Variants in NELL1 observed in about 807,000 individuals in gnomAD.
NELL1 encodes the protein neural EGFL like 1.
A neutral mutation model predicts 107.4 loss-of-function variants in NELL1; 76 were observed. The ratio of observed to expected loss-of-function variants is 0.71; its 90% CI spans 0.59 to 0.86. The LOEUF is 0.86. Ranked by LOEUF, NELL1 falls within the 40% of genes least tolerant of loss-of-function variation. NELL1 has a pLI of 0.00. For synonymous variants in NELL1, 353 were observed against 341.2 expected (o/e 1.03, Z -0.38); for missense variants, 1,024 against 1,005.5 (o/e 1.02, Z -0.25).
chr11:20,975,906 G>T (rs1851611540), intron 12 of NELL1, among the ~76,000 whole-genome samples: 1 of 94,896 alleles, frequency 1.1e-5, no homozygotes, highest in Non-Finnish European at 2.0e-5. Flanking sequence ...ACATATATGT[G>T]TATTATATAA....
chr11:20,812,780 G>A (rs374006082), intron 3 of NELL1, among the ~76,000 whole-genome samples: 19 of 151,644 alleles, frequency 1.3e-4, no homozygotes, highest in South Asian at 6.3e-4. Flanking sequence ...AGGCCGAGGC[G>A]GGCGGATCAC....
intron 3 of NELL1, among the ~76,000 whole-genome samples, chr11:20,841,199 T>C (rs1848616323): frequency 6.6e-6 from 1 of 152,192 alleles, no homozygotes; most frequent in African/African-American, 2.4e-5. Flanking sequence ...TTCCACCATA[T>C]GGTGCCACCA....
chr11:21,005,703 A>G (rs970254396), intron 12 of NELL1, among the ~76,000 whole-genome samples: 1 of 152,166 alleles, frequency 6.6e-6, no homozygotes, highest in Non-Finnish European at 1.5e-5. Flanking sequence ...CATTTTTAAT[A>G]TTGTCTGTGC....
chr11:21,475,912 T>C (rs1430625489), intron 15 of NELL1, among the ~76,000 whole-genome samples: 2 of 152,192 alleles, frequency 1.3e-5, no homozygotes, highest in Non-Finnish European at 2.9e-5. Context: ...TCTTCAACTT[T>C]GAGATTTTAT....
intron 10 of NELL1, among the ~76,000 whole-genome samples, chr11:20,940,560 T>G (rs995600508): frequency 2.6e-5 from 4 of 152,170 alleles, no homozygotes; most frequent in African/African-American, 9.7e-5. Context: ...CTTGGGCTTC[T>G]TTGTACCATG....
intron 3 of NELL1, among the ~76,000 whole-genome samples, chr11:20,804,281 G>A (rs1025604251): frequency 2.0e-5 from 3 of 152,018 alleles, no homozygotes; most frequent in Non-Finnish European, 4.4e-5. Flanking sequence ...TGTCACCCAG[G>A]CTGGAGTGCA....
chr11:21,484,085 T>C (rs1258452648), intron 15 of NELL1, among the ~76,000 whole-genome samples: 6 of 145,170 alleles, frequency 4.1e-5, no homozygotes, highest in Non-Finnish European at 7.5e-5. Flanking sequence ...CCAGCGTTAA[T>C]AGTGGTTGTC....
chr11:21,128,775 A>G (rs886118160), intron 13 of NELL1, among the ~76,000 whole-genome samples: 1 of 152,174 alleles, frequency 6.6e-6, no homozygotes, highest in African/African-American at 2.4e-5. Flanking sequence ...GCTGAGTGGT[A>G]TACAGTACAG....
rs1448253653 is a variant in NELL1 at position 21,560,777 on chromosome 11, G to T, written c.1980+395G>T. Among the ~76,000 whole-genome samples the T allele has an allele frequency of 3.3e-5, 5 of 152,046 alleles. No individual in the cohort carries two copies. In the East Asian group the frequency reaches 9.7e-4, roughly 30 times the overall value. On this transcript the variant is annotated intron_variant, in intron 17 of 19. Transcript: ENST00000357134. ...CTAAAATAACCACCTGCATGAACTT[G>T]CTCACTTTATGACATCATCTAGAAA...
intron 15 of NELL1, among the ~76,000 whole-genome samples, chr11:21,471,205 T>A (rs781673720): frequency 1.1e-4 from 16 of 151,928 alleles, no homozygotes; most frequent in Non-Finnish European, 2.2e-4. Flanking sequence ...TTCCACTCAC[T>A]CTTTTGCCCT....
At chr11:21,096,808 G>T (rs959490656) in intron 12 of NELL1, among the ~76,000 whole-genome samples, 2 of 151,996 alleles carry the variant, frequency 1.3e-5, no homozygotes, top group African/African-American at 4.8e-5. Flanking sequence ...TTGACCTCCT[G>T]TAAGTGATTC....
At chr11:20,670,566 G>A (rs577123197) in intron 1 of NELL1, 3 of 152,376 alleles carry the variant, frequency 2.0e-5, no homozygotes, top group African/African-American at 7.2e-5. Flanking sequence ...AGGACTCTCA[G>A]CGCATCTTCT....
At chr11:20,744,608 A>G (rs1855963749) in intron 2 of NELL1, among the ~76,000 whole-genome samples, 1 of 152,256 alleles carries the variant, frequency 6.6e-6, no homozygotes, top group South Asian at 2.1e-4. Context: ...TCTGGAGCCC[A>G]GAATGATGGG....
At chr11:20,781,874 C>CAAAAAAA (rs138345829) in intron 2 of NELL1, among the ~76,000 whole-genome samples, 33 of 77,270 alleles carry the variant, frequency 4.3e-4, no homozygotes, top group African/African-American at 1.5e-3. Flanking sequence ...ACCAAAAATA[C>CAAAAAAA]AAAAAAAAAA....
At chr11:21,074,717 T>C (rs937092794) in intron 12 of NELL1, among the ~76,000 whole-genome samples, 3 of 152,230 alleles carry the variant, frequency 2.0e-5, no homozygotes, top group East Asian at 1.9e-4. Context: ...ATAATTTATA[T>C]ACCACAAAGT....
At chr11:21,195,496 G>T (rs1456895216) in intron 13 of NELL1, among the ~76,000 whole-genome samples, 4 of 147,952 alleles carry the variant, frequency 2.7e-5, no homozygotes, top group African/African-American at 1.0e-4. Flanking sequence ...CTTCACACCT[G>T]CTCTGCAGAG....
chr11:20,771,345 C>G (rs1240465474), intron 2 of NELL1, among the ~76,000 whole-genome samples: 1 of 152,170 alleles, frequency 6.6e-6, no homozygotes, highest in Non-Finnish European at 1.5e-5. Context: ...GAGCCTCTGA[C>G]AGTTTGCTAA....
chr11:21,059,103 A>T (rs1280875716), intron 12 of NELL1, among the ~76,000 whole-genome samples: 2 of 152,122 alleles, frequency 1.3e-5, no homozygotes, highest in African/African-American at 4.8e-5. Context: ...AATCCTGCTT[A>T]TCCTTCAGGG....
At chr11:21,050,667 T>G (rs1565033608) in intron 12 of NELL1, among the ~76,000 whole-genome samples, 1 of 152,188 alleles carries the variant, frequency 6.6e-6, no homozygotes, top group East Asian at 1.9e-4. Context: ...TCTCTGTTAA[T>G]GTCTGTCTTC....
Sources: allele counts gnomAD v4.1 joint callset (sites outside exome capture counted in the v4.1 genomes callset), GRCh38; gene constraint gnomAD v4.1.1; transcripts MANE v1.5; gene names NCBI Gene and HGNC (gene_info 2026-07-23, HGNC 2026-07-21).